Variants in SLC16A1 observed in about 807,000 individuals in gnomAD.
SLC16A1 encodes monocarboxylate transporter 1.
A neutral mutation model predicts 32.2 loss-of-function variants in SLC16A1; 11 were observed. The ratio of observed to expected loss-of-function variants is 0.34; its 90% CI spans 0.21 to 0.56. The LOEUF (loss-of-function observed/expected upper bound fraction) is 0.56, where lower values mean the gene tolerates loss of function less well. SLC16A1 is among the 20% of genes least tolerant of loss of function. The probability of loss-of-function intolerance (pLI) is 0.87; values close to 1 mark genes in which losing one functional copy is unlikely to be tolerated. For synonymous variants in SLC16A1, 231 were observed against 226.8 expected (o/e 1.02, Z -0.17); for missense variants, 435 against 615.0 (o/e 0.71, Z 3.10).
chr1:112,920,090 C>A (rs1417410003), intron 3 of SLC16A1, among the ~76,000 whole-genome samples: 2 of 152,140 alleles, frequency 1.3e-5, no homozygotes, highest in African/African-American at 4.8e-5. Context: ...AATAAAAGAG[C>A]AAATGAACCA....
At chr1:112,948,227 G>C (rs1298953775) in intron 1 of SLC16A1, among the ~76,000 whole-genome samples, 2 of 151,788 alleles carry the variant, frequency 1.3e-5, no homozygotes, top group Non-Finnish European at 2.9e-5. Flanking sequence ...AGCCGGGGGC[G>C]GCGGGGGAGA....
At chr1:112,928,447 T>C (rs749439316) in intron 2 of SLC16A1, among the ~76,000 whole-genome samples, 18 of 152,218 alleles carry the variant, frequency 1.2e-4, no homozygotes, top group Non-Finnish European at 2.5e-4. Flanking sequence ...TATTTATAGT[T>C]GAAACCAAGA....
At chr1:112,951,536 C>G (rs1290064050) in intron 1 of SLC16A1, among the ~76,000 whole-genome samples, 1 of 152,130 alleles carries the variant, frequency 6.6e-6, no homozygotes, top group African/African-American at 2.4e-5. Context: ...AACTTACAAT[C>G]TGGAATCCTT....
At chr1:112,937,884 C>T (rs1252617576) in intron 1 of SLC16A1, among the ~76,000 whole-genome samples, 1 of 152,050 alleles carries the variant, frequency 6.6e-6, no homozygotes, top group Non-Finnish European at 1.5e-5. Context: ...TGATAGAAAA[C>T]AATAACCCTA....
intron 1 of SLC16A1, among the ~76,000 whole-genome samples, chr1:112,953,153 C>CTTTT (rs55766100): frequency 9.2e-5 from 12 of 130,190 alleles, no homozygotes; most frequent in Admixed American, 2.5e-4. Flanking sequence ...ACTGAAAATC[C>CTTTT]TTTTTTTTTT....
At position 112,914,182 on chromosome 1, in the gene SLC16A1, A is replaced by G. The variant is rs754185298; in HGVS notation, c.1229-17T>C. ...TGAGCCGACCTAAATATGTAAAACA[A>G]CACAAACAGTTGTTTCTAAGAGTAA... On this transcript the variant is annotated splice_polypyrimidine_tract_variant and intron_variant, in intron 4 of 4. Transcript: ENST00000369626. The G allele has an allele frequency of 6.2e-7, 1 of 1,613,940 alleles. No homozygotes were observed. Among genetic ancestry groups the G allele is most frequent in the African/African-American group, 1.3e-5 (1 of 74,916 alleles).
chr1:112,916,836 G>A (rs558725649), intron 4 of SLC16A1, among the ~76,000 whole-genome samples: 43 of 152,238 alleles, frequency 2.8e-4, no homozygotes, highest in African/African-American at 9.9e-4. Flanking sequence ...GGCTGAGGCA[G>A]GGGAATCGCT....
At chr1:112,941,549 C>T (rs569602943) in intron 1 of SLC16A1, among the ~76,000 whole-genome samples, 149 of 152,294 alleles carry the variant, frequency 9.8e-4, no homozygotes, top group African/African-American at 3.4e-3. Context: ...TCCCAAAGTG[C>T]TGGGATTACA....
At chr1:112,941,159 A>C (rs914102522) in intron 1 of SLC16A1, among the ~76,000 whole-genome samples, 1 of 152,208 alleles carries the variant, frequency 6.6e-6, no homozygotes, top group Non-Finnish European at 1.5e-5. Context: ...CTTTGTAAAA[A>C]ACCTGCACAT....
chr1:112,922,785 CA>C (rs928307434), intron 2 of SLC16A1, among the ~76,000 whole-genome samples: 3 of 152,190 alleles, frequency 2.0e-5, no homozygotes, highest in African/African-American at 7.2e-5. Context: ...AAAAAACAAA[CA>C]AACAAAACAA....
At chr1:112,955,977 G>C (rs774054130) in intron 1 of SLC16A1, 58 bp downstream of exon 1, 4 of 152,234 alleles carry the variant, frequency 2.6e-5, no homozygotes, top group African/African-American at 9.6e-5. Flanking sequence ...GACCCCACCA[G>C]GGCAGCGAGG....
chr1:112,933,436 A>G (rs1395673998), intron 1 of SLC16A1, among the ~76,000 whole-genome samples: 1 of 149,826 alleles, frequency 6.7e-6, no homozygotes, highest in Admixed American at 6.8e-5. Flanking sequence ...AGCATGGCCG[A>G]CACAGCGAGA....
chr1:112,947,557 C>A (rs1007429423), intron 1 of SLC16A1, among the ~76,000 whole-genome samples: 2 of 152,144 alleles, frequency 1.3e-5, no homozygotes, highest in African/African-American at 4.8e-5. Context: ...CTTAGTTTTA[C>A]ATTAACAAAA....
chr1:112,933,802 G>T (rs2101638092), intron 1 of SLC16A1, among the ~76,000 whole-genome samples: 1 of 152,242 alleles, frequency 6.6e-6, no homozygotes. Flanking sequence ...CAGTCCCTTG[G>T]AACACATTTT....
chr1:112,932,725 C>G (rs1374949987), intron 1 of SLC16A1, among the ~76,000 whole-genome samples: 1 of 134,176 alleles, frequency 7.5e-6, no homozygotes, highest in East Asian at 2.3e-4. Flanking sequence ...ACCCAGGAGG[C>G]AGAGGTTGCA....
At chr1:112,923,987 C>T (rs1460302344) in intron 2 of SLC16A1, 13 of 1,451,688 alleles carry the variant, frequency 9.0e-6, no homozygotes, top group Non-Finnish European at 1.3e-5. Context: ...AGTATAAGGA[C>T]AAGGACAGGA....
Position 112,929,363 on chromosome 1 carries a change from TA to T in SLC16A1, c.-44-12del. 1 of 1,403,842 alleles carries T rather than the reference TA, an allele frequency of 7.1e-7. No homozygotes were observed. Among genetic ancestry groups the T allele is most frequent in the Non-Finnish European group, 1.0e-6 (1 of 997,470 alleles). 87.0% of individuals were successfully genotyped at this position (1,403,842 alleles called of 1,614,324 possible). A position where few individuals can be genotyped will look rare whatever the true frequency, so the allele number is the denominator to read the frequency against. ...GTCAAATCCAAATATCTGAAAGACATAAAATTAAAATAGTATGTCAATATAA... is the reference window on the plus strand; with the variant it reads ...GTCAAATCCAAATATCTGAAAGACATAAATTAAAATAGTATGTCAATATAA... On this transcript the variant is annotated splice_polypyrimidine_tract_variant and intron_variant, in intron 1 of 4. Coordinates refer to ENST00000369626, the MANE Select transcript of SLC16A1 (RefSeq NM_003051.4).
At chr1:112,942,616 A>G (rs937260303) in intron 1 of SLC16A1, among the ~76,000 whole-genome samples, 5 of 152,258 alleles carry the variant, frequency 3.3e-5, no homozygotes, top group African/African-American at 9.6e-5. Context: ...AGCTGTTTCA[A>G]TGAAAAATAA....
chr1:112,948,905 A>G (rs2101652157), intron 1 of SLC16A1, among the ~76,000 whole-genome samples: 1 of 152,154 alleles, frequency 6.6e-6, no homozygotes, highest in African/African-American at 2.4e-5. Context: ...ATCTCCGTTC[A>G]CTGCAAGCTC....
Sources: allele counts gnomAD v4.1 joint callset (sites outside exome capture counted in the v4.1 genomes callset), GRCh38; gene constraint gnomAD v4.1.1; transcripts MANE v1.5; gene names NCBI Gene and HGNC (gene_info 2026-07-23, HGNC 2026-07-21).